LRP1B: variants seen among roughly 807,000 people sequenced by gnomAD.
The protein encoded by LRP1B is LDL receptor related protein 1B, also known as low-density lipoprotein receptor-related protein 1B.
LRP1B carries 217 observed loss-of-function variants against 556.6 expected under a neutral mutation model. The observed-to-expected ratio is 0.39, with a 90% confidence interval of 0.35 to 0.44. LRP1B has a LOEUF of 0.44. Among genes scored for constraint, LRP1B ranks in the 20% least tolerant of loss-of-function variants. LRP1B has a pLI of 1.00. For missense variants in LRP1B, 5,053 were observed against 5,620.8 expected (o/e 0.90, Z 3.23); for synonymous variants, 2,047 against 1,865.8 (o/e 1.10, Z -2.50).
At position 141,457,483 on chromosome 2, in the gene LRP1B, T is replaced by C. The variant is rs1246404836; in HGVS notation, c.343+22913A>G. Among the ~76,000 whole-genome samples the C allele has an allele frequency of 2.0e-5, 3 of 152,070 alleles. No individual in the cohort carries two copies. In the East Asian group the frequency reaches 5.8e-4, roughly 29 times the overall value. The stretch of plus-strand genomic sequence containing the variant: ...AGCATTAGGAAAAATAGCTAATACA[T>C]GCTGGATTTAATACCTAGGTGATGG... On this transcript the variant is annotated intron_variant, in intron 3 of 90. Transcript: ENST00000389484.
chr2:141,912,667 G>A (rs370362908), intron 1 of LRP1B, among the ~76,000 whole-genome samples: 69 of 152,190 alleles, frequency 4.5e-4, no homozygotes, highest in African/African-American at 1.4e-3. Context: ...CCCTGATTTC[G>A]TCTTGTTTCT....
At chr2:141,381,725 G>A (rs1689650313) in intron 3 of LRP1B, among the ~76,000 whole-genome samples, 1 of 152,112 alleles carries the variant, frequency 6.6e-6, no homozygotes, top group Admixed American at 6.6e-5. Flanking sequence ...CCTGAAGGGA[G>A]TAGGATAATA....
intron 2 of LRP1B, among the ~76,000 whole-genome samples, chr2:141,624,032 T>TAAAAAAAAAAA (rs761446527): frequency 3.5e-4 from 5 of 14,444 alleles, no homozygotes; most frequent in East Asian, 3.2e-3. Context: ...AAAAAAAAAT[T>TAAAAAAAAAAA]AAACAAAAAA....
chr2:141,142,089 C>CA (rs11346752), intron 7 of LRP1B, among the ~76,000 whole-genome samples: 1 of 150,316 alleles, frequency 6.7e-6, no homozygotes, highest in African/African-American at 2.4e-5. Flanking sequence ...TCTGGTATAA[C>CA]AAAAAAAAAA....
chr2:141,486,473 G>A (rs1435915497), intron 2 of LRP1B, among the ~76,000 whole-genome samples: 1 of 152,080 alleles, frequency 6.6e-6, no homozygotes, highest in Non-Finnish European at 1.5e-5. Flanking sequence ...AGAAAATTGA[G>A]ATAGCATGTT....
At chr2:141,895,108 TCTAA>T (rs1200941318) in intron 1 of LRP1B, among the ~76,000 whole-genome samples, 2 of 149,260 alleles carry the variant, frequency 1.3e-5, no homozygotes, top group Non-Finnish European at 3.0e-5. Context: ...ATAATTTTGA[TCTAA>T]CTAATTTGAA....
chr2:140,976,551 A>G (rs1696608541), intron 18 of LRP1B, among the ~76,000 whole-genome samples: 1 of 116,668 alleles, frequency 8.6e-6, no homozygotes, highest in Non-Finnish European at 1.6e-5. Flanking sequence ...CTTGTTGCCC[A>G]GGCTGGAGTG....
At chr2:141,565,255 C>T (rs1423456148) in intron 2 of LRP1B, among the ~76,000 whole-genome samples, 1 of 152,112 alleles carries the variant, frequency 6.6e-6, no homozygotes, top group Admixed American at 6.6e-5. Flanking sequence ...CTTAGTGTCT[C>T]CGGGTTGCTT....
intron 2 of LRP1B, among the ~76,000 whole-genome samples, chr2:141,698,002 T>C (rs1475481073): frequency 6.6e-6 from 1 of 151,754 alleles, no homozygotes; most frequent in Non-Finnish European, 1.5e-5. Context: ...TTAAATACGG[T>C]GAGGAGGTAG....
chr2:140,924,048 T>A (rs552885535), intron 20 of LRP1B, among the ~76,000 whole-genome samples: 2 of 152,020 alleles, frequency 1.3e-5, no homozygotes, highest in African/African-American at 4.8e-5. Context: ...AAAGTTTTAA[T>A]GTAACAAATT....
chr2:141,355,680 T>C (rs192390688), intron 3 of LRP1B, among the ~76,000 whole-genome samples: 1 of 151,946 alleles, frequency 6.6e-6, no homozygotes, highest in African/African-American at 2.4e-5. Context: ...ACTCCAAACA[T>C]CAGACCAAAA....
At chr2:140,674,014 C>T (rs1016737797) in intron 41 of LRP1B, among the ~76,000 whole-genome samples, 1 of 150,260 alleles carries the variant, frequency 6.7e-6, no homozygotes, top group Non-Finnish European at 1.5e-5. Context: ...AATGGGGCAA[C>T]TCTGGCTCAC....
intron 3 of LRP1B, among the ~76,000 whole-genome samples, chr2:141,341,150 A>G (rs1033309): frequency 0.59 from 90,134 of 151,526 alleles, 27,574 homozygotes; most frequent in African/African-American, 0.66. Context: ...TCCCTTGTAC[A>G]TTTTAGGAAG....
At chr2:140,980,883 A>G (rs913048178) in intron 18 of LRP1B, among the ~76,000 whole-genome samples, 3 of 152,226 alleles carry the variant, frequency 2.0e-5, no homozygotes, top group African/African-American at 7.2e-5. Context: ...AAAATGTAGT[A>G]TATATACACC....
intron 1 of LRP1B, among the ~76,000 whole-genome samples, chr2:141,820,066 A>C (rs549208579): frequency 6.6e-6 from 1 of 152,262 alleles, no homozygotes; most frequent in African/African-American, 2.4e-5. Context: ...CATGGTTAAA[A>C]TGAAATACCT....
In LRP1B at chr2:141,849,450, T is replaced by G. The variant is rs947747882; in HGVS notation, c.83-39049A>C. The stretch of plus-strand genomic sequence containing the variant: ...TTAAGCACGCCAAAGAAATACATTA[T>G]GCCCAAATATCTAAAGTTTTACATT... On this transcript the variant is annotated intron_variant, in intron 1 of 90. Coordinates refer to ENST00000389484, the MANE Select transcript of LRP1B (RefSeq NM_018557.3). Among the ~76,000 whole-genome samples the G allele has an allele frequency of 9.2e-5, 14 of 151,854 alleles. No homozygotes were observed. The East Asian group carries it at 2.7e-3, about 29-fold the overall frequency.
chr2:140,713,386 G>C (rs1242471289), intron 37 of LRP1B, among the ~76,000 whole-genome samples: 1 of 145,660 alleles, frequency 6.9e-6, no homozygotes, highest in African/African-American at 2.5e-5. Flanking sequence ...TTACATATTT[G>C]TCTTGAGCTC....
intron 13 of LRP1B, among the ~76,000 whole-genome samples, chr2:141,014,072 T>C (rs761170931): frequency 6.6e-5 from 10 of 152,076 alleles, no homozygotes; most frequent in Non-Finnish European, 1.3e-4. Flanking sequence ...CCTACTCTCA[T>C]TCCTGTTCCT....
At chr2:141,630,635 G>A (rs1034758961) in intron 2 of LRP1B, among the ~76,000 whole-genome samples, 3 of 152,156 alleles carry the variant, frequency 2.0e-5, no homozygotes, top group African/African-American at 7.2e-5. Flanking sequence ...CCTGACTTTC[G>A]ATGGTTTGAC....
Sources: gnomAD v4.1 joint callset for allele counts (sites outside exome capture counted in the v4.1 genomes callset) on GRCh38, gnomAD v4.1.1 for gene constraint, MANE v1.5 for transcripts, NCBI Gene and HGNC (gene_info 2026-07-23, HGNC 2026-07-21) for gene names.